TNXB: variants seen among roughly 807,000 people sequenced by gnomAD.
TNXB encodes tenascin-X.
A neutral mutation model predicts 340.5 loss-of-function variants in TNXB; 183 were observed. The observed-to-expected ratio is 0.54, with a 90% CI of 0.48 to 0.61. The LOEUF (loss-of-function observed/expected upper bound fraction) is 0.61, where lower values mean the gene tolerates loss of function less well. TNXB is among the 20% of genes least tolerant of loss of function. The probability of loss-of-function intolerance (pLI) is 0.00; values close to 1 mark genes in which losing one functional copy is unlikely to be tolerated. For missense variants in TNXB, 4,613 were observed against 5,446.4 expected (o/e 0.85, Z 4.82); for synonymous variants, 2,121 against 2,314.5 (o/e 0.92, Z 2.40).
chr6:32,048,131 G>A, intron 29 of TNXB, 119 bp from the exon 30 acceptor site: 3 of 1,313,164 alleles, frequency 2.3e-6, no homozygotes, highest in Non-Finnish European at 3.1e-6. Context: ...TGGGCCAGGA[G>A]TAGGAATAAA....
In TNXB at chr6:32,095,649, A is replaced by G; in HGVS notation, c.2204T>C (p.Val735Ala). 1.2e-6 allele frequency: 2 copies of G among 1,613,908 alleles called. No homozygotes were observed. The highest frequency in any genetic ancestry group is 1.7e-6 in the Non-Finnish European group (2 of 1,179,802). The change falls in exon 3 of 44, where the codon GTC (valine) becomes GCC (alanine). Residue 735 changes from valine (V) to alanine (A), a missense_variant. By Grantham distance (64) the Val-to-Ala change is moderately conservative. This residue lies in a region of TNXB where 4,327 missense variants were observed against 4,859.4 expected (regional missense o/e 0.89). Coordinates refer to ENST00000644971, the MANE Select transcript of TNXB (RefSeq NM_001365276.2). The stretch of plus-strand genomic sequence containing the variant: ...TTCGCCAGCATACCCATCTTTGCAG[A>G]CACAGCTGCCATCGTGACACTCTCC... Reference protein sequence around the residue: ...GRGECHDGSCVCKDGYAGEDC... With the variant: ...GRGECHDGSCACKDGYAGEDC...
Position 32,062,496 on chromosome 6 carries a change from A to G in TNXB, c.6842-13T>C. ...TCCTTTCCTGGGGCTGCATCAGAAA[A>G]TAGAATGGGTGGGCATGCCTGGTGG... On this transcript the variant is annotated splice_polypyrimidine_tract_variant and intron_variant, in intron 19 of 43. Transcript: ENST00000644971. This position sits in a 1 kb window ranked among gnomAD's most constrained non-coding sequence, Gnocchi z 4.3. The G allele has an allele frequency of 1.9e-6, 3 of 1,587,568 alleles. No individual in the cohort carries two copies. Among genetic ancestry groups the G allele is most frequent in the Non-Finnish European group, 2.6e-6 (3 of 1,164,772 alleles).
chr6:32,096,865 G>A lies in TNXB; in HGVS notation c.988C>T (p.Pro330Ser). The A allele has an allele frequency of 1.2e-6, 2 of 1,607,948 alleles. No individual in the cohort carries two copies. The highest frequency in any genetic ancestry group is 1.7e-6 in the Non-Finnish European group (2 of 1,177,566). The change falls in exon 3 of 44, where the codon CCC becomes TCC. Residue 330 changes from proline (P) to serine (S), a missense_variant. Physicochemically the swap from Pro to Ser is moderately conservative, Grantham distance 74. This residue lies in a region of TNXB where 4,327 missense variants were observed against 4,859.4 expected (regional missense o/e 0.89). Transcript: ENST00000644971. ...RCKDGRCVCD[P>S]GYTGEDCGTR... ...CCACAGTCCTCGCCAGTGTAGCCGGGGTCACACACGCAGCGCCCGTCCTTG... is the reference window on the plus strand; with the variant it reads ...CCACAGTCCTCGCCAGTGTAGCCGGAGTCACACACGCAGCGCCCGTCCTTG...
Position 32,084,616 on chromosome 6 carries a change from C to T in TNXB, c.3242G>A (p.Arg1081His), listed in dbSNP as rs533842281. Reference sequence around the variant, plus strand: ...AAACTCGCCCTCGGGGACCGTCCAGCGCAGGAGCAAGGAGTCGGAGGTCCT... The same window carrying T: ...AAACTCGCCCTCGGGGACCGTCCAGTGCAGGAGCAAGGAGTCGGAGGTCCT... Reference protein sequence around the residue: ...TDRTSDSLLLRWTVPEGEFDS... With the variant: ...TDRTSDSLLLHWTVPEGEFDS... Residue 1081 changes from arginine to histidine, a missense_variant, in exon 8 of 44, where the codon CGC becomes CAC. Arg to His is a conservative substitution (Grantham distance 29). Transcript: ENST00000644971. The surrounding 1 kb of genome is among the most constrained non-coding windows in gnomAD (Gnocchi z 5.5). The T allele has an allele frequency of 2.3e-5, 37 of 1,605,158 alleles. No individual in the cohort carries two copies. Among genetic ancestry groups the T allele is most frequent in the Middle Eastern group, 1.7e-4 (1 of 6,052 alleles).
Position 32,069,131 on chromosome 6 carries a change from T to C in TNXB, c.5593A>G (p.Arg1865Gly). 6.2e-7 allele frequency: 1 copy of C among 1,605,644 alleles called. No homozygotes were observed. The highest frequency in any genetic ancestry group is 8.5e-7 in the Non-Finnish European group (1 of 1,178,000). ...PISAVAITAG[R>G]EETETETTAP... The stretch of plus-strand genomic sequence containing the variant: ...GTGGTCTCAGTTTCCGTTTCTTCCC[T>C]GCCGGCTGGTTCACAGAGACAGGTA... The change falls in exon 16 of 44, where the codon AGG (arginine) becomes GGG (glycine). Residue 1865 changes from arginine to glycine, a missense_variant. Around this residue, in one of 7 missense-constraint regions of TNXB, gnomAD observed 4,327 missense variants for 4,859.4 expected, o/e 0.89. Coordinates refer to ENST00000644971, the MANE Select transcript of TNXB (RefSeq NM_001365276.2). The surrounding 1 kb of genome is among the most constrained non-coding windows in gnomAD (Gnocchi z 6.2).
At position 32,043,817 on chromosome 6, in the gene TNXB, T is replaced by G. The variant is rs754085722; in HGVS notation, c.11462A>C (p.Tyr3821Ser). 1.2e-6 allele frequency: 2 copies of G among 1,613,542 alleles called. No individual in the cohort carries two copies. The highest frequency in any genetic ancestry group is 2.2e-5 in the South Asian group (2 of 91,076). ...KLQGLIPGAR[Y>S]EVTVVSVRGF... ...TCGGACCGAGACCACGGTCACCTCA[T>G]AGCGAGCGCCTGGGATCAGCCCCTG... The change falls in exon 35 of 44, where the codon TAT becomes TCT. Residue 3821 changes from tyrosine to serine, a missense_variant. Physicochemically the swap from Tyr to Ser is moderately radical, Grantham distance 144. This residue lies in a region of TNXB where 114 missense variants were observed against 104.5 expected (regional missense o/e 1.09). Coordinates refer to ENST00000644971, the MANE Select transcript of TNXB (RefSeq NM_001365276.2).
At position 32,056,047 on chromosome 6, in the gene TNXB, G is replaced by A. The variant is rs1237186457; in HGVS notation, c.8271C>T (p.Thr2757=). 6.8e-6 allele frequency: 11 copies of A among 1,612,982 alleles called. No individual in the cohort carries two copies. Among genetic ancestry groups the A allele is most frequent in the Non-Finnish European group, 9.3e-6 (11 of 1,179,880 alleles). Residue 2757 remains threonine (T), a synonymous_variant, in exon 24 of 44, where the codon ACC becomes ACT. Coordinates refer to ENST00000644971, the MANE Select transcript of TNXB (RefSeq NM_001365276.2). ...SSPDSLSLSW[T]IPQGHFDSFT... ...AGGAGTCGAAGTGGCCCTGGGGGAT[G>A]GTCCAGGAGAGGCTCAGCGAGTCAG...
rs1778076879 is a variant in TNXB at position 32,062,341 on chromosome 6, T to G, written c.6984A>C (p.Gly2328=). The part of the protein sequence containing the change: ...SLSLSWTVPE[G]QFDHFLVQYK... ...ACTGGACCAGGAAGTGGTCAAACTG[T>G]CCCTCGGGAACCGTCCAGGACAGGC... The change falls in exon 20 of 44, where the codon GGA becomes GGC. Residue 2328 remains glycine (G), a synonymous_variant. Coordinates refer to ENST00000644971, the MANE Select transcript of TNXB (RefSeq NM_001365276.2). This position sits in a 1 kb window ranked among gnomAD's most constrained non-coding sequence, Gnocchi z 4.3. The G allele has an allele frequency of 6.2e-7, 1 of 1,613,524 alleles. No homozygotes were observed. Among genetic ancestry groups the G allele is most frequent in the Non-Finnish European group, 8.5e-7 (1 of 1,179,866 alleles).
chr6:32,096,665 C>A lies in TNXB; in HGVS notation c.1188G>T (p.Gly396=). 6.5e-7 allele frequency: 1 copy of A among 1,545,408 alleles called. No homozygotes were observed. ...GGCAGCTGCGCACGCCGCAGTCGTC[C>A]CCGCTGTAGCCCGTGTCGCAAATGC... The part of the protein sequence containing the change: ...GECICDTGYS[G]DDCGVRSCPG... The change falls in exon 3 of 44, where the codon GGG becomes GGT. Residue 396 remains glycine (G), a synonymous_variant. Transcript: ENST00000644971.
rs556377981 is a variant in TNXB at position 32,057,256 on chromosome 6, C to T, written c.7826-353G>A. ...GTTCACTGGGCTTCTGTCTTTGCTC[C>T]GCAACAAGCTCAGCACACTCCTCCC... On this transcript the variant is annotated intron_variant, in intron 22 of 43. Transcript: ENST00000644971. Among the ~76,000 whole-genome samples the T allele has an allele frequency of 3.7e-4, 57 of 152,274 alleles. 1 individual carries two copies. Among genetic ancestry groups the T allele is most frequent in the Non-Finnish European group, 5.9e-4 (40 of 68,018 alleles).
Position 32,050,261 on chromosome 6 carries a change from A to T in TNXB, c.9176T>A (p.Ile3059Asn), listed in dbSNP as rs1376678138. 2.1e-5 allele frequency: 34 copies of T among 1,613,260 alleles called. No individual in the cohort carries two copies. The highest frequency in any genetic ancestry group is 5.0e-5 in the Admixed American group (3 of 60,002). The change falls in exon 27 of 44, where the codon ATC becomes AAC. Residue 3059 changes from isoleucine (I) to asparagine (N), a missense_variant. Physicochemically the swap from Ile to Asn is moderately radical, Grantham distance 149. This residue lies in a region of TNXB where 4,327 missense variants were observed against 4,859.4 expected (regional missense o/e 0.89). Coordinates refer to ENST00000644971, the MANE Select transcript of TNXB (RefSeq NM_001365276.2). Reference sequence around the variant, plus strand: ...GGTCAGCTCCCCCAGGCGAGGCTTGATGGGGGGCTCAGGGGTCATGGTAGG... The same window carrying T: ...GGTCAGCTCCCCCAGGCGAGGCTTGTTGGGGGGCTCAGGGGTCATGGTAGG... Reference protein sequence around the residue: ...AVPTMTPEPPIKPRLGELTVT... With the variant: ...AVPTMTPEPPNKPRLGELTVT...
intron 22 of TNXB, 134 bp downstream of exon 22, chr6:32,057,924 A>T: frequency 8.7e-7 from 1 of 1,152,928 alleles, no homozygotes; most frequent in Non-Finnish European, 1.2e-6. Flanking sequence ...TCTCCATGAC[A>T]TGTCTTTCCA....
chr6:32,105,154 C>T (rs1780915697), intron 1 of TNXB, among the ~76,000 whole-genome samples: 2 of 152,120 alleles, frequency 1.3e-5, no homozygotes, highest in Non-Finnish European at 2.9e-5. Flanking sequence ...GTCCCTCATA[C>T]TCTCTGTGCC....
At chr6:32,060,005 T>C (rs1032531596) in intron 21 of TNXB, among the ~76,000 whole-genome samples, 3 of 151,970 alleles carry the variant, frequency 2.0e-5, no homozygotes, top group African/African-American at 7.3e-5. Context: ...CAATTTCTTA[T>C]GGACTAGAAA....
Position 32,081,386 on chromosome 6 carries a change from A to C in TNXB, c.4024T>G (p.Ser1342Ala), listed in dbSNP as rs1779416529. The C allele has an allele frequency of 6.5e-7, 1 of 1,540,854 alleles. No individual in the cohort carries two copies. The highest frequency in any genetic ancestry group is 8.8e-7 in the Non-Finnish European group (1 of 1,140,458). ...LRGRQRVGPE[S>A]VVAKTAPQED... ...GACTCACCAGTCTTGGCCACCACAG[A>C]CTCGGGCCCCACACGCTGCCTGCCA... Residue 1342 changes from serine (S) to alanine (A), a missense_variant, in exon 10 of 44, where the codon TCT becomes GCT. Transcript: ENST00000644971. This position sits in a 1 kb window ranked among gnomAD's most constrained non-coding sequence, Gnocchi z 5.1.
In TNXB at chr6:32,053,401, G is replaced by A. The variant is rs749875092; in HGVS notation, c.8778C>T (p.Val2926=). Residue 2926 remains valine (V), a synonymous_variant, in exon 25 of 44, where the codon GTC becomes GTT. Coordinates refer to ENST00000644971, the MANE Select transcript of TNXB (RefSeq NM_001365276.2). ...TCGTACACTCACCTGTCACCCCAAT[G>A]ACAGAGATGGGGCCCACGCGCTGGC... ...HGGQRVGPIS[V]IGVTAAEEET... 2 of 1,612,478 alleles carry A rather than the reference G, an allele frequency of 1.2e-6. No individual in the cohort carries two copies. The highest frequency in any genetic ancestry group is 2.2e-5 in the South Asian group (2 of 91,010).
rs1777350102 is a variant in TNXB at position 32,052,659 on chromosome 6, C to T, written c.9115+11G>A. On this transcript the variant is annotated intron_variant, in intron 26 of 43. Transcript: ENST00000644971. This position sits in a 1 kb window ranked among gnomAD's most constrained non-coding sequence, Gnocchi z 4.7. Reference sequence around the variant, plus strand: ...CATCTTCCCCACCTCGCCTCACTCACACTTACTCACCTGTCACACCCACAG... The same window carrying T: ...CATCTTCCCCACCTCGCCTCACTCATACTTACTCACCTGTCACACCCACAG... The T allele has an allele frequency of 1.9e-6, 3 of 1,610,876 alleles. No homozygotes were observed. The Admixed American group carries it at 5.0e-5, about 27-fold the overall frequency.
rs574910923 is a variant in TNXB at position 32,079,841 on chromosome 6, G to A, written c.4043-476C>T. On this transcript the variant is annotated intron_variant, in intron 10 of 43. Transcript: ENST00000644971. The surrounding 1 kb of genome is among the most constrained non-coding windows in gnomAD (Gnocchi z 7.1). ...ATTGCTAAGGCAGGGCTCCAGGCAT[G>A]AGTGGGAGAAAAATTCTGGGGTGAG... is the stretch of plus-strand genomic sequence containing the variant. Among the ~76,000 whole-genome samples the A allele has an allele frequency of 3.9e-5, 6 of 152,330 alleles. No individual in the cohort carries two copies. Among genetic ancestry groups the A allele is most frequent in the Admixed American group, 1.3e-4 (2 of 15,304 alleles).
At position 32,101,296 on chromosome 6, in the gene TNXB, A is replaced by AT. The variant is rs981024018; in HGVS notation, c.-8-3091dup. On this transcript the variant is annotated intron_variant, in intron 1 of 43. Transcript: ENST00000644971. ...CAGGCATGCGCCACATGCCCAGCTC[A>AT]TTTTTTTTGTAGAGATGGAGTCTTG... Among the ~76,000 whole-genome samples the AT allele has an allele frequency of 1.1e-4, 16 of 151,446 alleles. No individual in the cohort carries two copies. The South Asian group carries it at 2.9e-3, about 28-fold the overall frequency.
Sources: gnomAD v4.1 joint callset for allele counts (sites outside exome capture counted in the v4.1 genomes callset) on GRCh38, gnomAD v4.1.1 for gene constraint, gnomAD v4.1.1 regional missense constraint, Gnocchi (gnomAD v3.1) non-coding constraint, MANE v1.5 for transcripts, NCBI Gene and HGNC (gene_info 2026-07-23, HGNC 2026-07-21) for gene names.